The following IL5RA variants were observed in gnomAD, a reference collection of about 807,000 sequenced individuals.
IL5RA encodes the protein interleukin 5 receptor subunit alpha, also known as interleukin-5 receptor subunit alpha.
In IL5RA, 49 loss-of-function variants were observed where a neutral mutation model predicts 50.0. That is an observed-to-expected ratio of 0.98 (90% CI 0.78 to 1.24). The LOEUF (loss-of-function observed/expected upper bound fraction) is 1.24, where lower values mean the gene tolerates loss of function less well. IL5RA is among the 50% of genes most tolerant of loss of function. The pLI is 0.00. For missense variants in IL5RA, 600 were observed against 500.4 expected (o/e 1.20, Z -1.90); for synonymous variants, 202 against 174.0 (o/e 1.16, Z -1.26).
chr3:3,090,764 A>G (rs1038377811), intron 9 of IL5RA, among the ~76,000 whole-genome samples: 12 of 151,820 alleles, frequency 7.9e-5, no homozygotes, highest in East Asian at 3.9e-4. Flanking sequence ...TAGTAGAGAC[A>G]GGGTTTCACC....
At chr3:3,099,821 C>T (rs955101380) in intron 5 of IL5RA, among the ~76,000 whole-genome samples, 2 of 151,942 alleles carry the variant, frequency 1.3e-5, no homozygotes, top group Admixed American at 6.6e-5. Context: ...AGGCACGTGC[C>T]ACCACACTCA....
chr3:3,066,953 T>C lies in IL5RA; in HGVS notation c.*3272A>G, dbSNP rs340830. The C allele has an allele frequency of 0.78, 118,416 of 152,156 alleles. 46,792 individuals carry two copies. The highest frequency in any genetic ancestry group is 0.91 in the African/African-American group (37,883 of 41,522). 9.4% of individuals were successfully genotyped at this position (152,156 alleles called of 1,614,324 possible). On this transcript the variant is annotated 3_prime_UTR_variant, in exon 12 of 12. Transcript: ENST00000446632. ...AGCATGTTTGTTCTGATCCCGTGGC[T>C]GTGGAGGCTCTAGGAGAAAAGTGAC... is the stretch of plus-strand genomic sequence containing the variant.
intron 9 of IL5RA, among the ~76,000 whole-genome samples, chr3:3,080,478 C>T (rs1181319470): frequency 6.6e-6 from 1 of 152,206 alleles, no homozygotes; most frequent in Non-Finnish European, 1.5e-5. Flanking sequence ...TTAAGCATTG[C>T]TTTTCATTGA....
chr3:3,081,598 G>A (rs1308254064), intron 9 of IL5RA, among the ~76,000 whole-genome samples: 3 of 152,198 alleles, frequency 2.0e-5, no homozygotes, highest in Non-Finnish European at 4.4e-5. Flanking sequence ...CCCCTAGCCT[G>A]ATATGGCAAG....
At chr3:3,073,781 G>A in intron 11 of IL5RA, 1 of 450,176 alleles carries the variant, frequency 2.2e-6, no homozygotes, top group Non-Finnish European at 4.4e-6. Context: ...TTTTTTTGTA[G>A]AAAATTGTCA....
At chr3:3,101,854 T>C (rs753045592) in intron 4 of IL5RA, 24 bp from the exon 5 acceptor site, 6 of 1,606,880 alleles carry the variant, frequency 3.7e-6, no homozygotes, top group Admixed American at 1.7e-5. Flanking sequence ...CCACAAGTCA[T>C]GATACATAAA....
At chr3:3,102,598 A>T in intron 4 of IL5RA, 77 bp downstream of exon 4, 1 of 1,063,878 alleles carries the variant, frequency 9.4e-7, no homozygotes, top group Non-Finnish European at 1.4e-6. Flanking sequence ...TTAATCCAAA[A>T]TTTTATTTGA....
chr3:3,092,819 C>T lies in IL5RA; in HGVS notation c.856-457G>A, dbSNP rs1039989154. Among the ~76,000 whole-genome samples the T allele has an allele frequency of 1.2e-4, 19 of 152,148 alleles. No homozygotes were observed. The highest frequency in any genetic ancestry group is 4.6e-4 in the African/African-American group (19 of 41,434). The stretch of plus-strand genomic sequence containing the variant: ...TCCTTCTACTGATCATGGTCGCCAC[C>T]ATCCAGCTAGTCCCCTGTACCAGAG... On this transcript the variant is annotated intron_variant, in intron 8 of 11. Coordinates refer to ENST00000446632, the MANE Select transcript of IL5RA (RefSeq NM_175726.4). This position sits in a 1 kb window ranked among gnomAD's most constrained non-coding sequence, Gnocchi z 4.2.
At chr3:3,078,108 G>A (rs567936324) in intron 9 of IL5RA, among the ~76,000 whole-genome samples, 3 of 152,248 alleles carry the variant, frequency 2.0e-5, no homozygotes, top group South Asian at 4.1e-4. Flanking sequence ...ATTTAATGAC[G>A]AGCGTGCTAA....
intron 11 of IL5RA, among the ~76,000 whole-genome samples, chr3:3,073,509 A>T (rs2125950198): frequency 6.6e-6 from 1 of 152,166 alleles, no homozygotes; most frequent in Non-Finnish European, 1.5e-5. Flanking sequence ...GACAGAAACC[A>T]TTTGTCCCTC....
At chr3:3,080,956 A>G (rs1208992835) in intron 9 of IL5RA, among the ~76,000 whole-genome samples, 1 of 152,224 alleles carries the variant, frequency 6.6e-6, no homozygotes, top group Non-Finnish European at 1.5e-5. Context: ...TTGGCCTCCC[A>G]AAGTGCTGAG....
In IL5RA at chr3:3,092,202, A is replaced by G. The variant is rs1703148607; in HGVS notation, c.994+22T>C. 6.2e-7 allele frequency: 1 copy of G among 1,606,600 alleles called. No homozygotes were observed. ...TGATCACAAGGAAGGCTGCCAATGT[A>G]AAATAAACATAAGCTACTTACCCAC... On this transcript the variant is annotated intron_variant, in intron 9 of 11. Transcript: ENST00000446632. The surrounding 1 kb of genome is among the most constrained non-coding windows in gnomAD (Gnocchi z 4.2).
intron 7 of IL5RA, among the ~76,000 whole-genome samples, chr3:3,097,242 G>A (rs932921332): frequency 2.0e-5 from 3 of 152,144 alleles, no homozygotes; most frequent in Non-Finnish European, 2.9e-5. Context: ...AGAGATATTC[G>A]AGCTGCAGAA....
rs1703313067 is a variant in IL5RA, at chr3:3,095,422, A to G, written c.732T>C (p.Asn244=). The G allele has an allele frequency of 1.2e-6, 2 of 1,611,232 alleles. No individual in the cohort carries two copies. The highest frequency in any genetic ancestry group is 1.1e-5 in the South Asian group (1 of 90,066). The part of the protein sequence containing the change: ...HAIDQINPPL[N]VTAEIEGTRL... ...GAGTTCCTTCAATCTCTGCTGTGAC[A>G]TTCAGTGGAGGATTTATTTGATCTA... Residue 244 remains asparagine, a synonymous_variant, in exon 8 of 12, where the codon AAT becomes AAC. Transcript: ENST00000446632.
At chr3:3,071,525 T>C (rs1702294904) in intron 11 of IL5RA, among the ~76,000 whole-genome samples, 1 of 151,482 alleles carries the variant, frequency 6.6e-6, no homozygotes, top group East Asian at 1.9e-4. Context: ...TCTTTTTGAC[T>C]GCTAAAGGCC....
In IL5RA at chr3:3,090,505, C is replaced by T. The variant is rs576761750; in HGVS notation, c.994+1719G>A. On this transcript the variant is annotated intron_variant, in intron 9 of 11. Transcript: ENST00000446632. Reference sequence around the variant, plus strand: ...TCATACAATGCCTATGTTGACTTGCCGGAAACACCTGGATAATAGCAAACA... The same window carrying T: ...TCATACAATGCCTATGTTGACTTGCTGGAAACACCTGGATAATAGCAAACA... Among the ~76,000 whole-genome samples the T allele has an allele frequency of 1.5e-3, 228 of 151,576 alleles. 3 individuals are homozygous for T. The highest frequency in any genetic ancestry group is 5.2e-3 in the African/African-American group (213 of 41,290).
chr3:3,076,968 G>A (rs1484703980), intron 9 of IL5RA, among the ~76,000 whole-genome samples: 4 of 152,158 alleles, frequency 2.6e-5, no homozygotes, highest in Admixed American at 1.3e-4. Flanking sequence ...TTTTTGGTAC[G>A]TAGTAAGGTT....
chr3:3,071,080 G>C (rs1293377078), intron 11 of IL5RA, among the ~76,000 whole-genome samples: 2 of 151,980 alleles, frequency 1.3e-5, no homozygotes, highest in Non-Finnish European at 2.9e-5. Flanking sequence ...TTGGAAAATT[G>C]GTAACAAAAA....
intron 2 of IL5RA, 117 bp from the exon 3 acceptor site, chr3:3,105,104 A>G (rs1423789417): frequency 3.1e-6 from 2 of 651,272 alleles, no homozygotes; most frequent in Middle Eastern, 2.6e-4. Context: ...TTTATGGCAT[A>G]TTTGTTATGC....
Sources: allele counts gnomAD v4.1 joint callset (sites outside exome capture counted in the v4.1 genomes callset), GRCh38; gene constraint gnomAD v4.1.1; non-coding constraint Gnocchi (gnomAD v3.1); transcripts MANE v1.5; gene names NCBI Gene and HGNC (gene_info 2026-07-23, HGNC 2026-07-21).